Variants in ENO4 observed in about 807,000 individuals in gnomAD.
The protein encoded by ENO4 is 2-phospho-D-glycerate hydro-lyase.
In ENO4, 53 loss-of-function variants were observed where a neutral mutation model predicts 63.2. That is an observed-to-expected ratio of 0.84 (90% CI 0.67 to 1.05). The LOEUF (loss-of-function observed/expected upper bound fraction) is 1.05, where lower values mean the gene tolerates loss of function less well. Ranked by LOEUF, ENO4 falls within the 50% of genes least tolerant of loss-of-function variation. The pLI is 0.00. For missense variants in ENO4, 719 were observed against 772.0 expected (o/e 0.93, Z 0.81); for synonymous variants, 266 against 283.8 (o/e 0.94, Z 0.63).
intron 10 of ENO4, chr10:116,901,501 T>G: frequency 2.0e-6 from 2 of 985,220 alleles, no homozygotes; most frequent in Non-Finnish European, 2.4e-6. Context: ...ATCATCCAGA[T>G]CAATTATTTG....
At chr10:116,873,534 T>C (rs533268071) in intron 9 of ENO4, among the ~76,000 whole-genome samples, 7 of 152,204 alleles carry the variant, frequency 4.6e-5, no homozygotes, top group Non-Finnish European at 8.8e-5. Context: ...TCGTTACTAC[T>C]AGAAAGTACA....
intron 10 of ENO4, among the ~76,000 whole-genome samples, chr10:116,890,835 G>A (rs1267469451): frequency 6.6e-6 from 1 of 152,226 alleles, no homozygotes; most frequent in Non-Finnish European, 1.5e-5. Context: ...CCATGCCAAC[G>A]CTGAACTTTA....
Position 116,882,416 on chromosome 10 carries a change from AT to A in ENO4, c.*748del, listed in dbSNP as rs1470438394. On this transcript the variant is annotated 3_prime_UTR_variant, in exon 14 of 14. Coordinates refer to ENST00000341276, the MANE Select transcript of ENO4 (RefSeq NM_001242699.2). ...CAAGTGATAAAAAAAAAAAAAAAAA[AT>A]GATGTGACATATCCATTGCCTGAAT... 1.5e-3 allele frequency: 173 copies of A among 112,334 alleles called. No individual in the cohort carries two copies. Among genetic ancestry groups the A allele is most frequent in the African/African-American group, 5.2e-3 (152 of 29,332 alleles). The allele number at this position is 112,334 out of a possible 1,614,324, so 7.0% of individuals were successfully genotyped here. A position where few individuals can be genotyped will look rare whatever the true frequency, so the allele number is the denominator to read the frequency against.
intron 10 of ENO4, among the ~76,000 whole-genome samples, chr10:116,887,795 C>T (rs748105746): frequency 2.6e-5 from 4 of 152,172 alleles, no homozygotes; most frequent in Non-Finnish European, 5.9e-5. Context: ...GTGGACTAAA[C>T]GAATGGGCAA....
Position 116,872,292 on chromosome 10 carries a change from G to A in ENO4, c.1215+1000G>A, listed in dbSNP as rs369441623. On this transcript the variant is annotated intron_variant, in intron 9 of 13. Coordinates refer to ENST00000341276, the MANE Select transcript of ENO4 (RefSeq NM_001242699.2). Reference sequence around the variant, plus strand: ...CTTGGGAAACTGGTATGTTAGGAAAGTTATTAGTTTTCTGTCTTACACATG... The same window carrying A: ...CTTGGGAAACTGGTATGTTAGGAAAATTATTAGTTTTCTGTCTTACACATG... Among the ~76,000 whole-genome samples the A allele has an allele frequency of 8.9e-4, 135 of 152,260 alleles. 1 individual carries two copies. Among genetic ancestry groups the A allele is most frequent in the African/African-American group, 3.2e-3 (131 of 41,530 alleles).
intron 10 of ENO4, among the ~76,000 whole-genome samples, chr10:116,902,190 A>G (rs1374517892): frequency 6.6e-6 from 1 of 152,202 alleles, no homozygotes; most frequent in African/African-American, 2.4e-5. Flanking sequence ...TTAAGAAACC[A>G]CAAAATCCCA....
intron 10 of ENO4, among the ~76,000 whole-genome samples, chr10:116,898,847 C>G (rs1285159684): frequency 1.3e-5 from 2 of 152,122 alleles, no homozygotes; most frequent in East Asian, 3.9e-4. Context: ...AAAAGTGTTT[C>G]TTGCTTTCTT....
At position 116,859,033 on chromosome 10, in the gene ENO4, G is replaced by T; in HGVS notation, c.529G>T (p.Glu177Ter). Residue 177 changes from glutamate to a stop codon, truncating the protein, a stop_gained, in exon 4 of 14, where the codon GAA becomes TAA. Transcript: ENST00000341276. LOFTEE classifies it high-confidence loss of function. ...AGTACAAGAAGATAAGGGGAGAAAA[G>T]AATTGGAAAAGAGCCTGGAATACTC... ...SKVQEDKGRK[E>*]LEKSLEYSTV... The T allele has an allele frequency of 1.3e-6, 2 of 1,535,682 alleles. No individual in the cohort carries two copies. The highest frequency in any genetic ancestry group is 1.7e-6 in the Non-Finnish European group (2 of 1,146,656).
chr10:116,875,996 A>G (rs1163791345), intron 10 of ENO4, 69 bp from the exon 11 acceptor site: 14 of 1,209,054 alleles, frequency 1.2e-5, no homozygotes, highest in Non-Finnish European at 1.6e-5. Flanking sequence ...AGTATGTGCT[A>G]TATTATTCCT....
chr10:116,911,782 A>G (rs1326628589), exon 11 of ENO4: 2 of 1,608,394 alleles, frequency 1.2e-6, no homozygotes, highest in Non-Finnish European at 1.7e-6. Flanking sequence ...ACTGAAATCT[A>G]TTCTTACCAG....
chr10:116,872,024 C>A (rs1195110931), intron 9 of ENO4, among the ~76,000 whole-genome samples: 2 of 152,260 alleles, frequency 1.3e-5, no homozygotes, highest in Non-Finnish European at 2.9e-5. Context: ...TGGTGAAACC[C>A]CCCTCTACAA....
intron 7 of ENO4, among the ~76,000 whole-genome samples, chr10:116,867,069 C>T (rs1359993891): frequency 6.6e-6 from 1 of 152,096 alleles, no homozygotes; most frequent in Admixed American, 6.6e-5. Flanking sequence ...ATAACCTTAG[C>T]TAAAGCCACG....
chr10:116,859,935 AAAT>A (rs1297667721), intron 4 of ENO4, among the ~76,000 whole-genome samples: 4 of 152,286 alleles, frequency 2.6e-5, no homozygotes, highest in African/African-American at 9.6e-5. Flanking sequence ...CCCCGAGACA[AAAT>A]AATTATGTTT....
intron 10 of ENO4, among the ~76,000 whole-genome samples, chr10:116,905,057 C>T (rs550653177): frequency 1.8e-4 from 28 of 151,458 alleles, no homozygotes; most frequent in South Asian, 4.2e-4. Flanking sequence ...AAAAATTAGC[C>T]GGGCGCGGTG....
chr10:116,850,820 G>T (rs1369537609), intron 1 of ENO4, among the ~76,000 whole-genome samples: 1 of 152,120 alleles, frequency 6.6e-6, no homozygotes, highest in East Asian at 1.9e-4. Context: ...TACAAATAAA[G>T]AACCTGTGGC....
intron 10 of ENO4, among the ~76,000 whole-genome samples, chr10:116,889,499 T>C (rs1290522510): frequency 6.6e-6 from 1 of 152,202 alleles, no homozygotes; most frequent in African/African-American, 2.4e-5. Context: ...TAATGACCAC[T>C]GCCTTAGAAT....
chr10:116,905,328 G>A (rs180944169), intron 10 of ENO4, among the ~76,000 whole-genome samples: 32 of 152,222 alleles, frequency 2.1e-4, no homozygotes, highest in Non-Finnish European at 4.1e-4. Context: ...ATGTTACGGG[G>A]AGGCTGCATA....
intron 3 of ENO4, among the ~76,000 whole-genome samples, chr10:116,858,426 C>G (rs1263519297): frequency 6.6e-6 from 1 of 152,078 alleles, no homozygotes; most frequent in Non-Finnish European, 1.5e-5. Flanking sequence ...ACATCTGATA[C>G]AAATCTGATT....
At chr10:116,886,423 T>C (rs1256393861), downstream of ENO4, 2 of 1,605,936 alleles carry the variant, frequency 1.2e-6, no homozygotes, top group Non-Finnish European at 1.7e-6. Flanking sequence ...GCCTTCATCC[T>C]CCTTGTGTTG....
Sources: gnomAD v4.1 joint callset for allele counts (sites outside exome capture counted in the v4.1 genomes callset) on GRCh38, gnomAD v4.1.1 for gene constraint, MANE v1.5 for transcripts, NCBI Gene and HGNC (gene_info 2026-07-23, HGNC 2026-07-21) for gene names.